SPIDR: variants seen among roughly 807,000 people sequenced by gnomAD.
SPIDR encodes DNA repair-scaffolding protein.
A neutral mutation model predicts 104.6 loss-of-function variants in SPIDR; 93 were observed. That is an observed-to-expected ratio of 0.89 (90% CI 0.75 to 1.06). The LOEUF is 1.06. SPIDR is among the 50% of genes least tolerant of loss of function. The probability of loss-of-function intolerance (pLI) is 0.00; values close to 1 mark genes in which losing one functional copy is unlikely to be tolerated. For missense variants in SPIDR, 1,154 were observed against 1,111.2 expected, an observed-to-expected ratio of 1.04 and a Z score of -0.55; for synonymous variants, 431 against 416.9, an observed-to-expected ratio of 1.03 and a Z score of -0.41.
At chr8:47,349,427 G>A (rs2052942949) in intron 5 of SPIDR, among the ~76,000 whole-genome samples, 1 of 152,172 alleles carries the variant, frequency 6.6e-6, no homozygotes, top group African/African-American at 2.4e-5. Context: ...TGGGGGTCAG[G>A]GACCCCCTTG....
chr8:47,349,355 G>C (rs564706662), intron 5 of SPIDR, among the ~76,000 whole-genome samples: 34 of 152,170 alleles, frequency 2.2e-4, no homozygotes, highest in African/African-American at 7.5e-4. Context: ...TCTCAGAGGG[G>C]CACCCGGCTG....
intron 5 of SPIDR, among the ~76,000 whole-genome samples, chr8:47,339,282 T>A (rs2050297491): frequency 6.6e-6 from 1 of 152,216 alleles, no homozygotes; most frequent in Non-Finnish European, 1.5e-5. Flanking sequence ...TTTAATTTAC[T>A]GTGTTTCTAC....
At chr8:47,262,821 C>T (rs1394269127) in intron 1 of SPIDR, among the ~76,000 whole-genome samples, 1 of 152,090 alleles carries the variant, frequency 6.6e-6, no homozygotes, top group Admixed American at 6.6e-5. Context: ...TTTCTGTCTC[C>T]CTCGGTCAGT....
At chr8:47,262,714 T>C (rs2154208924) in intron 1 of SPIDR, among the ~76,000 whole-genome samples, 1 of 152,320 alleles carries the variant, frequency 6.6e-6, no homozygotes, top group South Asian at 2.1e-4. Context: ...CCCGGTACAA[T>C]GTATGAGGAG....
chr8:47,325,457 T>G (rs1262937026), intron 5 of SPIDR, among the ~76,000 whole-genome samples: 1 of 152,230 alleles, frequency 6.6e-6, no homozygotes, highest in Non-Finnish European at 1.5e-5. Flanking sequence ...ATTTGAAGGA[T>G]AAGATTTGTT....
At chr8:47,552,668 T>G (rs1169451676) in intron 8 of SPIDR, among the ~76,000 whole-genome samples, 1 of 152,204 alleles carries the variant, frequency 6.6e-6, no homozygotes, top group Non-Finnish European at 1.5e-5. Flanking sequence ...GCATGTGAGA[T>G]GGGTCTCCTG....
At position 47,303,228 on chromosome 8, in the gene SPIDR, G is replaced by A. The variant is rs1054734475; in HGVS notation, c.525+9198G>A. 6.2e-4 allele frequency among the ~76,000 whole-genome samples: 95 copies of A among 152,318 alleles called. No individual in the cohort carries two copies. In the Middle Eastern group the frequency reaches 0.01, roughly 16 times the overall value. ...TAGCAATGAGCGAGGCTCCGTGGGC[G>A]TAGGACTCTCCGAACCAGTTGTGGG... On this transcript the variant is annotated intron_variant, in intron 5 of 19. Transcript: ENST00000297423.
chr8:47,608,299 A>C (rs2063209857), intron 10 of SPIDR, among the ~76,000 whole-genome samples: 1 of 152,230 alleles, frequency 6.6e-6, no homozygotes, highest in African/African-American at 2.4e-5. Context: ...TGGATGAATA[A>C]TAATCCATTT....
chr8:47,319,271 CAA>C (rs1429588633), intron 5 of SPIDR, among the ~76,000 whole-genome samples: 2 of 151,566 alleles, frequency 1.3e-5, no homozygotes, highest in African/African-American at 4.8e-5. Flanking sequence ...AAATGGAAAA[CAA>C]AAAAAGGCAG....
At chr8:47,643,089 A>T (rs954477456) in intron 10 of SPIDR, among the ~76,000 whole-genome samples, 5 of 152,224 alleles carry the variant, frequency 3.3e-5, no homozygotes, top group Admixed American at 6.5e-5. Context: ...CATTGTTAGT[A>T]TATTTAGTCT....
rs1586253358 is a variant in SPIDR at position 47,279,850 on chromosome 8, T to C, written c.34-12T>C. On this transcript the variant is annotated splice_polypyrimidine_tract_variant and intron_variant, in intron 1 of 19. Coordinates refer to ENST00000297423, the MANE Select transcript of SPIDR (RefSeq NM_001080394.4). Reference sequence around the variant, plus strand: ...TTTGTTTCGATTTTTCTTTTAAAAATCATCTCCACAGAGAAAAAGGAGTTG... The same window carrying C: ...TTTGTTTCGATTTTTCTTTTAAAAACCATCTCCACAGAGAAAAAGGAGTTG... 8 of 1,577,234 alleles carry C rather than the reference T, an allele frequency of 5.1e-6. No homozygotes were observed. In the East Asian group the frequency reaches 1.6e-4, roughly 31 times the overall value.
At chr8:47,692,029 G>A (rs916001851) in intron 11 of SPIDR, among the ~76,000 whole-genome samples, 3 of 152,190 alleles carry the variant, frequency 2.0e-5, no homozygotes, top group Non-Finnish European at 4.4e-5. Flanking sequence ...GAGGACAGAA[G>A]AAAGATAATG....
intron 3 of SPIDR, among the ~76,000 whole-genome samples, chr8:47,287,503 A>C (rs964133615): frequency 5.3e-5 from 8 of 152,098 alleles, no homozygotes; most frequent in Admixed American, 1.3e-4. Flanking sequence ...TTCTTATCCC[A>C]ACCGCATAAG....
chr8:47,297,047 G>C (rs976534255), intron 5 of SPIDR, among the ~76,000 whole-genome samples: 27 of 152,086 alleles, frequency 1.8e-4, no homozygotes, highest in African/African-American at 5.8e-4. Flanking sequence ...TCTTAGAATA[G>C]AGAAACACTG....
intron 10 of SPIDR, among the ~76,000 whole-genome samples, chr8:47,615,670 G>A (rs891966667): frequency 7.9e-5 from 12 of 151,838 alleles, no homozygotes; most frequent in Admixed American, 3.9e-4. Context: ...CACCATGCCC[G>A]GCTAATTCTT....
chr8:47,616,976 A>G (rs370613478), intron 10 of SPIDR, among the ~76,000 whole-genome samples: 4 of 152,236 alleles, frequency 2.6e-5, no homozygotes, highest in East Asian at 3.9e-4. Context: ...GCTTTTTATT[A>G]CCAGGACAAT....
At chr8:47,399,201 G>T (rs1489391004) in intron 6 of SPIDR, among the ~76,000 whole-genome samples, 7 of 152,210 alleles carry the variant, frequency 4.6e-5, no homozygotes, top group Admixed American at 3.9e-4. Flanking sequence ...AACTGCTGAG[G>T]CAGGGGAGGG....
intron 8 of SPIDR, among the ~76,000 whole-genome samples, chr8:47,554,823 G>A (rs183764644): frequency 2.8e-4 from 43 of 152,272 alleles, no homozygotes; most frequent in African/African-American, 7.5e-4. Flanking sequence ...TGTCTTCTGC[G>A]TCATTCACGC....
At chr8:47,587,565 T>C (rs978651840) in intron 8 of SPIDR, among the ~76,000 whole-genome samples, 6 of 149,274 alleles carry the variant, frequency 4.0e-5, no homozygotes, top group Non-Finnish European at 8.9e-5. Context: ...AGCCGAGATG[T>C]TGCCATTGCA....
Sources: gnomAD v4.1 joint callset for allele counts (sites outside exome capture counted in the v4.1 genomes callset) on GRCh38, gnomAD v4.1.1 for gene constraint, MANE v1.5 for transcripts, NCBI Gene and HGNC (gene_info 2026-07-23, HGNC 2026-07-21) for gene names.